HPSE2: variants seen among roughly 807,000 people sequenced by gnomAD.
HPSE2 encodes heparanase 2 (inactive), also known as inactive heparanase-2.
In HPSE2, 38 loss-of-function variants were observed where a neutral mutation model predicts 60.5. That is an observed-to-expected ratio of 0.63 (90% CI 0.48 to 0.82). The LOEUF (loss-of-function observed/expected upper bound fraction) is 0.82, where lower values mean the gene tolerates loss of function less well. HPSE2 is among the 40% of genes least tolerant of loss of function. The pLI is 0.00. For missense variants in HPSE2, 713 were observed against 740.4 expected, an observed-to-expected ratio of 0.96 and a Z score of 0.43; for synonymous variants, 295 against 293.2, an observed-to-expected ratio of 1.01 and a Z score of -0.06.
chr10:98,838,105 G>A (rs1008852458), intron 3 of HPSE2, among the ~76,000 whole-genome samples: 3 of 152,130 alleles, frequency 2.0e-5, no homozygotes, highest in African/African-American at 4.8e-5. Context: ...ATAGCAAGCT[G>A]GGAGTATTTC....
chr10:98,966,405 C>CA, intron 3 of HPSE2, among the ~76,000 whole-genome samples: 1 of 152,076 alleles, frequency 6.6e-6, no homozygotes, highest in East Asian at 1.9e-4. Context: ...CATAAGGTGG[C>CA]AGAGAAGGAG....
At chr10:99,060,086 ATAAT>A (rs1958201905) in intron 3 of HPSE2, among the ~76,000 whole-genome samples, 2 of 151,932 alleles carry the variant, frequency 1.3e-5, no homozygotes, top group South Asian at 4.1e-4. Context: ...ATATAAAAGA[ATAAT>A]TATTCAAAAA....
At chr10:99,011,847 A>G (rs1248049572) in intron 3 of HPSE2, among the ~76,000 whole-genome samples, 1 of 151,940 alleles carries the variant, frequency 6.6e-6, no homozygotes, top group Non-Finnish European at 1.5e-5. Context: ...GTATCAATCA[A>G]TCTTTAAAAG....
At chr10:99,281,467 A>G in the HPSE2 span, among the ~76,000 whole-genome samples, 7 of 152,004 alleles carry the variant, frequency 4.6e-5, no homozygotes, top group Non-Finnish European at 1.5e-5. Context: ...ACAAGAAATC[A>G]GTAATTGTTG....
At chr10:98,567,642 G>A (rs575005974) in intron 9 of HPSE2, among the ~76,000 whole-genome samples, 1 of 152,292 alleles carries the variant, frequency 6.6e-6, no homozygotes, top group South Asian at 2.1e-4. Flanking sequence ...ACAGACCACA[G>A]GCAAAGGAGG....
At chr10:99,206,963 AG>A (rs1489370621) in intron 2 of HPSE2, among the ~76,000 whole-genome samples, 1 of 152,102 alleles carries the variant, frequency 6.6e-6, no homozygotes, top group Non-Finnish European at 1.5e-5. Context: ...AAAGAATAAG[AG>A]GAAGACTAGG....
intron 3 of HPSE2, among the ~76,000 whole-genome samples, chr10:98,802,209 CAAACTATA>C (rs1181550455): frequency 6.6e-6 from 1 of 151,862 alleles, no homozygotes; most frequent in East Asian, 1.9e-4. Context: ...TGTTAGACCT[CAAACTATA>C]AAACTACCAA....
At chr10:99,267,443 AT>A in the HPSE2 span, among the ~76,000 whole-genome samples, 4 of 151,784 alleles carry the variant, frequency 2.6e-5, no homozygotes, top group South Asian at 2.1e-4. Flanking sequence ...AAGAAAAAAA[AT>A]TTTTTTTAAA....
At chr10:99,223,684 T>C (rs1271724650) in intron 2 of HPSE2, among the ~76,000 whole-genome samples, 1 of 152,206 alleles carries the variant, frequency 6.6e-6, no homozygotes, top group East Asian at 1.9e-4. Context: ...ATATCTATAT[T>C]GGTTTTTGTA....
At chr10:98,859,795 G>A (rs909204846) in intron 3 of HPSE2, among the ~76,000 whole-genome samples, 6 of 152,096 alleles carry the variant, frequency 3.9e-5, no homozygotes, top group African/African-American at 1.2e-4. Context: ...CAATTCCCAT[G>A]ATAAATTTCC....
chr10:98,797,465 A>G (rs1181831875), intron 3 of HPSE2, among the ~76,000 whole-genome samples: 1 of 152,186 alleles, frequency 6.6e-6, no homozygotes, highest in East Asian at 1.9e-4. Flanking sequence ...AGAATAAAAC[A>G]GAATGAAGCA....
intron 2 of HPSE2, among the ~76,000 whole-genome samples, chr10:99,194,475 CAA>C: frequency 6.6e-6 from 1 of 150,444 alleles, no homozygotes; most frequent in Admixed American, 6.6e-5. Flanking sequence ...ATTGATAAAA[CAA>C]AGAGTTCATT....
intron 4 of HPSE2, among the ~76,000 whole-genome samples, chr10:98,738,917 TTCC>T (rs2134311315): frequency 6.6e-6 from 1 of 152,312 alleles, no homozygotes; most frequent in East Asian, 1.9e-4. Context: ...AGTGTGGCGA[TTCC>T]TCAAGGATCT....
chr10:99,086,170 T>C (rs758812651), intron 3 of HPSE2, among the ~76,000 whole-genome samples: 1 of 152,080 alleles, frequency 6.6e-6, no homozygotes, highest in Non-Finnish European at 1.5e-5. Flanking sequence ...CCCTTCAGTG[T>C]ATGCTGAGTA....
chr10:98,796,932 G>T (rs2134506639), intron 3 of HPSE2, among the ~76,000 whole-genome samples: 1 of 152,326 alleles, frequency 6.6e-6, no homozygotes, highest in African/African-American at 2.4e-5. Context: ...CACCAAGGTG[G>T]TAGCTCTACG....
intron 6 of HPSE2, among the ~76,000 whole-genome samples, chr10:98,691,267 T>G (rs1948070480): frequency 6.6e-6 from 1 of 152,206 alleles, no homozygotes; most frequent in Admixed American, 6.5e-5. Flanking sequence ...TGAATGCTGA[T>G]CCTGGAGCCA....
At chr10:99,159,536 A>G (rs1846735802) in intron 2 of HPSE2, among the ~76,000 whole-genome samples, 1 of 152,208 alleles carries the variant, frequency 6.6e-6, no homozygotes, top group Non-Finnish European at 1.5e-5. Flanking sequence ...AATATGAATA[A>G]AGTCTGTAGC....
At chr10:98,788,716 G>C (rs555868879) in intron 3 of HPSE2, among the ~76,000 whole-genome samples, 4 of 151,942 alleles carry the variant, frequency 2.6e-5, no homozygotes, top group African/African-American at 9.7e-5. Flanking sequence ...TTCCAGGTGC[G>C]TCCGTCACCC....
chr10:99,105,406 C>T (rs1174924666), intron 3 of HPSE2, among the ~76,000 whole-genome samples: 1 of 150,902 alleles, frequency 6.6e-6, no homozygotes, highest in East Asian at 1.9e-4. Flanking sequence ...CTAATCATGT[C>T]CTTTTCCCAT....
Sources: allele counts gnomAD v4.1 joint callset (sites outside exome capture counted in the v4.1 genomes callset), GRCh38; gene constraint gnomAD v4.1.1; transcripts MANE v1.5; gene names NCBI Gene and HGNC (gene_info 2026-07-23, HGNC 2026-07-21).